Variants in SPIRE1 observed in about 807,000 individuals in gnomAD.
SPIRE1 encodes the protein spire type actin nucleation factor 1.
Under a neutral mutation model 94.1 loss-of-function variants are expected in SPIRE1, and 40 were observed. The observed-to-expected ratio is 0.43, with a 90% CI of 0.33 to 0.55. The LOEUF (loss-of-function observed/expected upper bound fraction) is 0.55, where lower values mean the gene tolerates loss of function less well. SPIRE1 is among the 20% of genes least tolerant of loss of function. SPIRE1 has a pLI of 0.06. For synonymous variants in SPIRE1, 376 were observed against 371.7 expected, an observed-to-expected ratio of 1.01 and a Z score of -0.13; for missense variants, 838 against 975.2, an observed-to-expected ratio of 0.86 and a Z score of 1.87.
At chr18:12,508,588 C>T (rs1372905636) in intron 5 of SPIRE1, among the ~76,000 whole-genome samples, 1 of 152,056 alleles carries the variant, frequency 6.6e-6, no homozygotes, top group Non-Finnish European at 1.5e-5. Flanking sequence ...TAAAAGTCTC[C>T]CTTTGGGCTT....
chr18:12,608,828 G>A (rs533946895), intron 2 of SPIRE1, among the ~76,000 whole-genome samples: 5 of 152,146 alleles, frequency 3.3e-5, no homozygotes, highest in Non-Finnish European at 5.9e-5. Flanking sequence ...AATACCCTCT[G>A]TTTACAAAGA....
chr18:12,563,955 T>C (rs79299249), intron 2 of SPIRE1, among the ~76,000 whole-genome samples: 4,197 of 152,274 alleles, frequency 0.028, 205 homozygotes, highest in African/African-American at 0.096. Context: ...ATAAAGCCGA[T>C]GTAAATAGAG....
intron 2 of SPIRE1, among the ~76,000 whole-genome samples, chr18:12,610,980 A>G (rs1191466957): frequency 6.7e-6 from 1 of 149,732 alleles, no homozygotes; most frequent in Non-Finnish European, 1.5e-5. Context: ...CCGAGTCCCC[A>G]TTCCTTTACT....
At chr18:12,524,982 A>T (rs902649962) in intron 4 of SPIRE1, among the ~76,000 whole-genome samples, 6 of 146,504 alleles carry the variant, frequency 4.1e-5, no homozygotes, top group Non-Finnish European at 3.0e-5. Flanking sequence ...TAGGAAGAAG[A>T]AAAAAAAAAA....
Position 12,535,520 on chromosome 18 carries a change from T to C in SPIRE1, c.685A>G (p.Met229Val), listed in dbSNP as rs935750522. 1.2e-6 allele frequency: 2 copies of C among 1,613,360 alleles called. No individual in the cohort carries two copies. Among genetic ancestry groups the C allele is most frequent in the African/African-American group, 1.3e-5 (1 of 75,028 alleles). Residue 229 changes from methionine (M) to valine (V), a missense_variant, in exon 4 of 17, where the codon ATG (methionine) becomes GTG (valine). Around this residue, in one of 2 missense-constraint regions of SPIRE1, gnomAD observed 645 missense variants for 804.7 expected, o/e 0.80. Coordinates refer to ENST00000409402, the MANE Select transcript of SPIRE1 (RefSeq NM_001128626.2). ...TTGGTCAGAAATGTATGGAGCTCCA[T>C]TGTTTCTGCAAACAGTGCACGACAT... ...AVCRALFAET[M>V]ELHTFLTKIK...
At chr18:12,646,721 T>C (rs1440589019) in intron 1 of SPIRE1, among the ~76,000 whole-genome samples, 3 of 152,084 alleles carry the variant, frequency 2.0e-5, no homozygotes, top group Admixed American at 6.6e-5. Context: ...ATGGGAAATA[T>C]GACAGAAAAA....
intron 2 of SPIRE1, among the ~76,000 whole-genome samples, chr18:12,557,349 G>T (rs2035545636): frequency 1.3e-5 from 2 of 152,214 alleles, no homozygotes; most frequent in Admixed American, 1.3e-4. Flanking sequence ...CAGGCCGACA[G>T]TGCTGGGGAA....
Position 12,496,064 on chromosome 18 carries a change from A to C in SPIRE1, c.1011T>G (p.Ala337=). The C allele has an allele frequency of 1.2e-6, 2 of 1,613,902 alleles. No homozygotes were observed. Among genetic ancestry groups the C allele is most frequent in the Non-Finnish European group, 1.7e-6 (2 of 1,179,806 alleles). ...GDIPPRLKKS[A]HEIILDFIRS... ...TGATGAAGTCGAGGATGATTTCATG[A>C]GCACTCTTTTTTAACCGAGGGGGAA... The change falls in exon 7 of 17, where the codon GCT becomes GCG. Residue 337 remains alanine (A), a synonymous_variant. Transcript: ENST00000409402.
rs369518422 is a variant in SPIRE1 at position 12,648,526 on chromosome 18, C to G, written c.337+9004G>C. Among the ~76,000 whole-genome samples the G allele has an allele frequency of 2.6e-5, 4 of 151,690 alleles. No individual in the cohort carries two copies. The South Asian group carries it at 8.3e-4, about 32-fold the overall frequency. Reference sequence around the variant, plus strand: ...CAAGATCATGATAAACTGTCACAGACCAGAAGAAACTAAGGAGATATGATG... The same window carrying G: ...CAAGATCATGATAAACTGTCACAGAGCAGAAGAAACTAAGGAGATATGATG... On this transcript the variant is annotated intron_variant, in intron 1 of 16. Coordinates refer to ENST00000409402, the MANE Select transcript of SPIRE1 (RefSeq NM_001128626.2).
chr18:12,493,627 G>A (rs117699678), intron 7 of SPIRE1, among the ~76,000 whole-genome samples: 24 of 152,118 alleles, frequency 1.6e-4, no homozygotes, highest in Admixed American at 2.6e-4. Context: ...GGCTGGTCTC[G>A]ATCTCCTGAT....
At chr18:12,657,025 T>G (rs1567997369) in intron 1 of SPIRE1, among the ~76,000 whole-genome samples, 1 of 152,266 alleles carries the variant, frequency 6.6e-6, no homozygotes. Context: ...GGCTGTCTAA[T>G]GTGGAATACT....
At chr18:12,464,719 A>G (rs1175250366) in intron 11 of SPIRE1, 149 bp downstream of exon 11, 13 of 622,694 alleles carry the variant, frequency 2.1e-5, no homozygotes, top group East Asian at 2.0e-4. Flanking sequence ...CTCTTGGAAA[A>G]TAAGTATTTC....
intron 9 of SPIRE1, among the ~76,000 whole-genome samples, chr18:12,481,789 T>C (rs1199721739): frequency 6.6e-6 from 1 of 152,170 alleles, no homozygotes; most frequent in East Asian, 1.9e-4. Context: ...AAATCTTAAA[T>C]CTTTCAATAA....
chr18:12,519,432 T>C (rs494124), intron 4 of SPIRE1, among the ~76,000 whole-genome samples: 43 of 152,226 alleles, frequency 2.8e-4, no homozygotes, highest in African/African-American at 9.6e-4. Context: ...CCGCTCTACA[T>C]AGCTGGACTG....
chr18:12,582,821 C>T (rs2036291577), intron 2 of SPIRE1, among the ~76,000 whole-genome samples: 1 of 152,144 alleles, frequency 6.6e-6, no homozygotes, highest in Non-Finnish European at 1.5e-5. Context: ...TGAACACTTA[C>T]CACCCAAATG....
intron 2 of SPIRE1, among the ~76,000 whole-genome samples, chr18:12,565,499 C>T (rs1316601586): frequency 1.3e-5 from 2 of 152,000 alleles, no homozygotes; most frequent in East Asian, 2.0e-4. Flanking sequence ...CTTAGCCTCC[C>T]GAGTAGCTGG....
chr18:12,456,237 A>T (rs1162528355), intron 12 of SPIRE1, among the ~76,000 whole-genome samples: 1 of 152,230 alleles, frequency 6.6e-6, no homozygotes, highest in Non-Finnish European at 1.5e-5. Context: ...GACAGAATTA[A>T]ATCAGCGTGC....
chr18:12,656,255 T>TA (rs2038535145), intron 1 of SPIRE1, among the ~76,000 whole-genome samples: 1 of 151,706 alleles, frequency 6.6e-6, no homozygotes, highest in African/African-American at 2.4e-5. Context: ...CTATAAATTA[T>TA]AATTGCAAGT....
chr18:12,499,275 T>G (rs986679266), intron 6 of SPIRE1, among the ~76,000 whole-genome samples: 3 of 152,136 alleles, frequency 2.0e-5, no homozygotes, highest in Non-Finnish European at 4.4e-5. Context: ...CTTTCTCTAT[T>G]TAATGGTCTC....
Sources: allele counts gnomAD v4.1 joint callset (sites outside exome capture counted in the v4.1 genomes callset), GRCh38; gene constraint gnomAD v4.1.1; regional missense constraint gnomAD v4.1.1; transcripts MANE v1.5; gene names NCBI Gene and HGNC (gene_info 2026-07-23, HGNC 2026-07-21).